The following TOP1MT variants were observed in gnomAD, a reference collection of about 807,000 sequenced individuals.
TOP1MT encodes the protein DNA topoisomerase I mitochondrial.
TOP1MT carries 80 observed loss-of-function variants against 73.9 expected under a neutral mutation model. That is an observed-to-expected ratio of 1.08 (90% confidence interval 0.90 to 1.30). The LOEUF (loss-of-function observed/expected upper bound fraction) is 1.30, where lower values mean the gene tolerates loss of function less well. Among genes scored for constraint, TOP1MT ranks in the 50% most tolerant of loss-of-function variants. The pLI, the probability that TOP1MT is intolerant of heterozygous loss-of-function variation, is 0.00. For synonymous variants in TOP1MT, 338 were observed against 326.4 expected, an observed-to-expected ratio of 1.04 and a Z score of -0.38; for missense variants, 815 against 808.0, an observed-to-expected ratio of 1.01 and a Z score of -0.10.
At chr8:143,315,930 T>C in intron 11 of TOP1MT, 69 bp downstream of exon 11, 1 of 1,609,450 alleles carries the variant, frequency 6.2e-7, no homozygotes, top group Non-Finnish European at 8.5e-7. Context: ...CCCAGGCCTG[T>C]GCCGAGGCTC....
At chr8:143,323,336 C>T (rs1303906589) in intron 7 of TOP1MT, among the ~76,000 whole-genome samples, 2 of 129,008 alleles carry the variant, frequency 1.6e-5, no homozygotes, top group African/African-American at 3.0e-5. Context: ...CACACATGCA[C>T]GCCACACACA....
intron 3 of TOP1MT, chr8:143,327,829 G>A (rs1261456777): frequency 7.9e-6 from 3 of 381,612 alleles, no homozygotes; most frequent in East Asian, 8.2e-5. Context: ...CCAGCAGCTG[G>A]CTCGGGGCAG....
At position 143,323,996 on chromosome 8, in the gene TOP1MT, T is replaced by C. The variant is rs1181702694; in HGVS notation, c.960+3A>G. ...GCCGCCAGGAAGCGAGAAGGCCGCATACCTTATCGATGAAATACAGGGCCA... is the reference window on the plus strand; with the variant it reads ...GCCGCCAGGAAGCGAGAAGGCCGCACACCTTATCGATGAAATACAGGGCCA... On this transcript the variant is annotated splice_donor_region_variant and intron_variant, in intron 7 of 13. Transcript: ENST00000329245. 12 of 1,613,430 alleles carry C rather than the reference T, an allele frequency of 7.4e-6. No homozygotes were observed. Among genetic ancestry groups the C allele is most frequent in the African/African-American group, 1.3e-5 (1 of 74,894 alleles).
upstream of TOP1MT, among the ~76,000 whole-genome samples, chr8:143,357,183 C>A (rs1817424592): frequency 6.7e-6 from 1 of 149,244 alleles, no homozygotes; most frequent in Non-Finnish European, 1.5e-5. Context: ...AGGAGGATCT[C>A]TTGAGCCTAG....
At chr8:143,322,416 CGCCACACACATGCACACCACACGCA>C (rs1816468928) in intron 7 of TOP1MT, among the ~76,000 whole-genome samples, 1 of 129,172 alleles carries the variant, frequency 7.7e-6, no homozygotes, top group African/African-American at 3.3e-5. Flanking sequence ...CACACACGCA[CGCCACACACATGCACACCACACGCA>C]CGCCACACAC....
upstream of TOP1MT, among the ~76,000 whole-genome samples, chr8:143,346,271 C>T (rs752542138): frequency 5.9e-4 from 90 of 152,278 alleles, no homozygotes; most frequent in Middle Eastern, 3.4e-3. Context: ...TATGAGGCTG[C>T]TCCAAACTCC....
At position 143,321,529 on chromosome 8, in the gene TOP1MT, CCA is replaced by C. The variant is rs1181557405; in HGVS notation, c.961-145_961-144del. ...CACACACGCACTCCACACACGCACG[CCA>C]CACACACGCACGCCACACACGCACG... On this transcript the variant is annotated intron_variant, in intron 7 of 13. Coordinates refer to ENST00000329245, the MANE Select transcript of TOP1MT (RefSeq NM_052963.3). 4.6e-3 allele frequency: 3,000 copies of C among 650,852 alleles called. 37 individuals are homozygous for C. In the African/African-American group the frequency reaches 0.058, roughly 13 times the overall value. 40.3% of individuals were successfully genotyped at this position (650,852 alleles called of 1,614,324 possible).
Position 143,344,064 on chromosome 8 carries a change from G to C in TOP1MT, c.-38-778C>G, listed in dbSNP as rs1053775089. On this transcript the variant is annotated intron_variant, in intron 1 of 5. Transcript: ENST00000518007. This position sits in a 1 kb window ranked among gnomAD's most constrained non-coding sequence, Gnocchi z 4.6. Reference sequence around the variant, plus strand: ...ACTGAGGCAGAGGCCTGGGCCAGCCGAGAAAGGTGAGAGGAGGCCCTGTTG... The same window carrying C: ...ACTGAGGCAGAGGCCTGGGCCAGCCCAGAAAGGTGAGAGGAGGCCCTGTTG... 6.6e-6 allele frequency: 1 copy of C among 152,312 alleles called. No homozygotes were observed. The highest frequency in any genetic ancestry group is 1.5e-5 in the Non-Finnish European group (1 of 68,076). The allele number at this position is 152,312 out of a possible 1,614,324, so 9.4% of individuals were successfully genotyped here.
intron 1 of TOP1MT, 136 bp downstream of exon 1, chr8:143,334,604 C>T (rs1358951294): frequency 4.7e-6 from 6 of 1,265,428 alleles, no homozygotes; most frequent in Non-Finnish European, 6.4e-6. Flanking sequence ...CCGCGGCACG[C>T]ATGCTCTCCT....
upstream of TOP1MT, chr8:143,356,183 G>C (rs920218403): frequency 2.0e-5 from 3 of 152,102 alleles, no homozygotes; most frequent in Non-Finnish European, 2.9e-5. Context: ...AATGGGGCCG[G>C]CCAGGCCCAG....
upstream of TOP1MT, among the ~76,000 whole-genome samples, chr8:143,339,039 GCTGAATGCAGGAGCTGATACCTATAAAGA>G (rs1817029039): frequency 6.6e-6 from 1 of 152,198 alleles, no homozygotes; most frequent in Non-Finnish European, 1.5e-5. Flanking sequence ...TCAAACAGGT[GCTGAATGCAGGAGCTGATACCTATAAAGA>G]CGTTTCCCAC....
At chr8:143,322,617 C>A (rs374858019) in intron 7 of TOP1MT, among the ~76,000 whole-genome samples, 5,574 of 98,336 alleles carry the variant, frequency 0.057, 289 homozygotes, top group Non-Finnish European at 0.077. Flanking sequence ...CACATGCATG[C>A]CACACAGGCA....
Position 143,316,071 on chromosome 8 carries a change from C to A in TOP1MT, c.1386G>T (p.Val462=). ...ILSYNRANRV[V]AILCNHQRAT... ...CTCGCTGATGGTTGCAGAGAATGGC[C>A]ACGACTCGGTTGGCTCGGTTGTAGG... Residue 462 remains valine, a synonymous_variant, in exon 11 of 14, where the codon GTG becomes GTT. Coordinates refer to ENST00000329245, the MANE Select transcript of TOP1MT (RefSeq NM_052963.3). 6.2e-7 allele frequency: 1 copy of A among 1,614,164 alleles called. No homozygotes were observed. Among genetic ancestry groups the A allele is most frequent in the Non-Finnish European group, 8.5e-7 (1 of 1,180,002 alleles).
chr8:143,326,849 C>G (rs1460441984), intron 3 of TOP1MT, among the ~76,000 whole-genome samples: 1 of 152,174 alleles, frequency 6.6e-6, no homozygotes, highest in East Asian at 1.9e-4. Flanking sequence ...GGGGACTGGT[C>G]AGTTGTAAAT....
intron 10 of TOP1MT, among the ~76,000 whole-genome samples, chr8:143,317,201 C>A (rs1373327730): frequency 6.6e-6 from 1 of 152,212 alleles, no homozygotes; most frequent in African/African-American, 2.4e-5. Context: ...GCAGCCCGGA[C>A]ATCACGGAGC....
At chr8:143,334,699 G>A (rs768495770) in intron 1 of TOP1MT, 41 bp downstream of exon 1, 25 of 1,595,884 alleles carry the variant, frequency 1.6e-5, no homozygotes, top group Non-Finnish European at 2.0e-5. Context: ...CCCAAGCCCG[G>A]TGCTCAGGGC....
chr8:143,353,268 T>C (rs1284034142), intron 1 of TOP1MT, among the ~76,000 whole-genome samples: 2 of 151,708 alleles, frequency 1.3e-5, no homozygotes, highest in Non-Finnish European at 2.9e-5. Context: ...TTTAAAAAAT[T>C]AGCTGGGCGT....
chr8:143,348,369 C>T (rs1475533710), upstream of TOP1MT, among the ~76,000 whole-genome samples: 2 of 152,128 alleles, frequency 1.3e-5, no homozygotes, highest in Non-Finnish European at 2.9e-5. This position sits in a 1 kb window ranked among gnomAD's most constrained non-coding sequence, Gnocchi z 4.6. Context: ...TTGAAAGGGC[C>T]CAGGACTTCA....
At chr8:143,320,819 G>A (rs968485745) in intron 8 of TOP1MT, among the ~76,000 whole-genome samples, 2 of 152,146 alleles carry the variant, frequency 1.3e-5, no homozygotes, top group Admixed American at 6.5e-5. Flanking sequence ...GAGTGTGGGC[G>A]GGATGTGGCT....
Sources: gnomAD v4.1 joint callset for allele counts (sites outside exome capture counted in the v4.1 genomes callset) on GRCh38, gnomAD v4.1.1 for gene constraint, Gnocchi (gnomAD v3.1) non-coding constraint, MANE v1.5 for transcripts, NCBI Gene and HGNC (gene_info 2026-07-23, HGNC 2026-07-21) for gene names.